Variants in RASA3 observed in about 807,000 individuals in gnomAD.
RASA3 encodes RAS p21 protein activator 3.
RASA3 carries 73 observed loss-of-function variants against 110.0 expected under a neutral mutation model. The ratio of observed to expected loss-of-function variants is 0.66; its 90% CI spans 0.55 to 0.81. The LOEUF (loss-of-function observed/expected upper bound fraction) is 0.81. Ranked by LOEUF, RASA3 falls within the 30% of genes least tolerant of loss-of-function variation. The pLI, the probability that RASA3 is intolerant of heterozygous loss-of-function variation, is 0.00. For synonymous variants in RASA3, 500 were observed against 451.4 expected (o/e 1.11, Z -1.37); for missense variants, 976 against 1,113.2 (o/e 0.88, Z 1.75).
chr13:114,114,191 C>T lies in RASA3; in HGVS notation c.55+18244G>A, dbSNP rs541272440. Reference sequence around the variant, plus strand: ...CACCACGGTGAGCGTCTGCGATGTCCGTGCAGGGGAGAGAGACCTGGCCTA... The same window carrying T: ...CACCACGGTGAGCGTCTGCGATGTCTGTGCAGGGGAGAGAGACCTGGCCTA... On this transcript the variant is annotated intron_variant, in intron 1 of 23. Coordinates refer to ENST00000334062, the MANE Select transcript of RASA3 (RefSeq NM_007368.4). The surrounding 1 kb of genome is among the most constrained non-coding windows in gnomAD (Gnocchi z 4.8). 1.5e-4 allele frequency among the ~76,000 whole-genome samples: 23 copies of T among 152,336 alleles called. No individual in the cohort carries two copies. Among genetic ancestry groups the T allele is most frequent in the Non-Finnish European group, 1.2e-4 (8 of 68,022 alleles).
At chr13:114,001,974 C>T (rs1046865318) in intron 18 of RASA3, among the ~76,000 whole-genome samples, 3 of 152,258 alleles carry the variant, frequency 2.0e-5, no homozygotes, top group Non-Finnish European at 4.4e-5. Flanking sequence ...AAGGCCTCAG[C>T]GAGGAGGACC....
intron 1 of RASA3, among the ~76,000 whole-genome samples, chr13:114,102,746 G>A (rs1000869142): frequency 2.6e-5 from 4 of 152,176 alleles, no homozygotes; most frequent in East Asian, 1.9e-4. Flanking sequence ...CGACGCTCCC[G>A]ACTAAACCAC....
chr13:114,036,789 G>A (rs532065503), intron 4 of RASA3, among the ~76,000 whole-genome samples: 27 of 152,162 alleles, frequency 1.8e-4, no homozygotes, highest in Admixed American at 9.8e-4. Flanking sequence ...CACCCGCCTC[G>A]GCCTCCCAAA....
At chr13:114,120,841 G>A (rs954916243) in intron 1 of RASA3, among the ~76,000 whole-genome samples, 4 of 152,350 alleles carry the variant, frequency 2.6e-5, no homozygotes, top group South Asian at 2.1e-4. Flanking sequence ...TACTAATTAC[G>A]GCTCAAGCAC....
intron 2 of RASA3, 126 bp downstream of exon 2, chr13:114,073,594 A>C: frequency 6.3e-6 from 5 of 795,188 alleles, no homozygotes; most frequent in Non-Finnish European, 1.1e-5. Flanking sequence ...GGAAAACGGG[A>C]TGGTGACGTA....
intron 1 of RASA3, among the ~76,000 whole-genome samples, chr13:114,116,415 C>T (rs981326540): frequency 6.6e-6 from 1 of 151,934 alleles, no homozygotes; most frequent in African/African-American, 2.4e-5. Flanking sequence ...AAGACTCCAG[C>T]GTAGGACAGA....
intron 3 of RASA3, among the ~76,000 whole-genome samples, chr13:114,051,803 C>T (rs9525218): frequency 0.086 from 13,025 of 152,258 alleles, 1,178 homozygotes; most frequent in African/African-American, 0.22. Flanking sequence ...GTGCTCTTGC[C>T]TTGAGGGGCC....
At chr13:114,089,328 GA>G (rs1157492254) in intron 1 of RASA3, among the ~76,000 whole-genome samples, 1 of 148,670 alleles carries the variant, frequency 6.7e-6, no homozygotes, top group African/African-American at 2.5e-5. Flanking sequence ...GGGGGAAGGG[GA>G]AAGCTGCAGA....
chr13:114,061,276 C>G (rs7988568), intron 2 of RASA3, among the ~76,000 whole-genome samples: 35,778 of 151,780 alleles, frequency 0.24, 7,549 homozygotes, highest in African/African-American at 0.56. Context: ...TGCCTTGATG[C>G]GTGGGGCTTG....
intron 16 of RASA3, 63 bp from the exon 17 acceptor site, chr13:114,009,527 GAAA>G: frequency 2.7e-6 from 3 of 1,091,556 alleles, no homozygotes; most frequent in Non-Finnish European, 4.2e-6. Flanking sequence ...GCCCAAATCT[GAAA>G]AAGCTAGAGG....
intron 1 of RASA3, among the ~76,000 whole-genome samples, chr13:114,106,512 T>A (rs1179228327): frequency 1.3e-5 from 2 of 152,246 alleles, no homozygotes; most frequent in African/African-American, 4.8e-5. Context: ...TGGCAATTTT[T>A]CCTAATGAAG....
intron 2 of RASA3, among the ~76,000 whole-genome samples, chr13:114,055,178 G>A (rs1566534133): frequency 1.3e-5 from 2 of 152,168 alleles, no homozygotes. Context: ...ATGGGTGTGT[G>A]CATGCATGTG....
chr13:114,034,037 C>T (rs1229340445), intron 4 of RASA3, among the ~76,000 whole-genome samples: 1 of 152,186 alleles, frequency 6.6e-6, no homozygotes, highest in Admixed American at 6.5e-5. Flanking sequence ...AGCGGGCCTG[C>T]TATCCGTGGC....
intron 1 of RASA3, among the ~76,000 whole-genome samples, chr13:114,122,392 G>C (rs2080390239): frequency 6.6e-6 from 1 of 152,226 alleles, no homozygotes; most frequent in African/African-American, 2.4e-5. Context: ...GGTTTTCCCA[G>C]AACCGGTTCC....
intron 15 of RASA3, 122 bp downstream of exon 15, chr13:114,013,018 TCA>T (rs2053674797): frequency 1.4e-6 from 1 of 699,470 alleles, no homozygotes; most frequent in East Asian, 2.9e-5. Flanking sequence ...TCCTGATTCC[TCA>T]CACACTCCCC....
chr13:114,052,244 CATGCCATAAGA>C (rs2079157839), intron 2 of RASA3, 89 bp from the exon 3 acceptor site: 1 of 849,416 alleles, frequency 1.2e-6, no homozygotes, highest in Middle Eastern at 2.2e-4. Context: ...TAGTTTTAAA[CATGCCATAAGA>C]ATGCCCTGCA....
At chr13:114,110,885 G>T (rs910624692) in intron 1 of RASA3, among the ~76,000 whole-genome samples, 1 of 152,218 alleles carries the variant, frequency 6.6e-6, no homozygotes, top group Non-Finnish European at 1.5e-5. Context: ...CAGGTCGGGG[G>T]CAGCAGAGTG....
At chr13:114,102,740 G>A (rs979112890) in intron 1 of RASA3, among the ~76,000 whole-genome samples, 3 of 152,182 alleles carry the variant, frequency 2.0e-5, no homozygotes, top group Non-Finnish European at 2.9e-5. Flanking sequence ...CCAGGGCGAC[G>A]CTCCCGACTA....
intron 15 of RASA3, among the ~76,000 whole-genome samples, chr13:114,012,125 G>C (rs1468649938): frequency 6.6e-6 from 1 of 151,980 alleles, no homozygotes; most frequent in East Asian, 1.9e-4. Context: ...ATGATACGCC[G>C]ATCATCAATA....
Sources: gnomAD v4.1 joint callset for allele counts (sites outside exome capture counted in the v4.1 genomes callset) on GRCh38, gnomAD v4.1.1 for gene constraint, Gnocchi (gnomAD v3.1) non-coding constraint, MANE v1.5 for transcripts, NCBI Gene and HGNC (gene_info 2026-07-23, HGNC 2026-07-21) for gene names.